FAM222A: variants seen among roughly 807,000 people sequenced by gnomAD.
FAM222A encodes the protein family with sequence similarity 222 member A.
FAM222A carries 7 observed loss-of-function variants against 25.8 expected under a neutral mutation model. The ratio of observed to expected loss-of-function variants is 0.27; its 90% CI spans 0.15 to 0.51. FAM222A has a LOEUF of 0.51. FAM222A is among the 20% of genes least tolerant of loss of function. FAM222A has a pLI of 0.97. For synonymous variants in FAM222A, 294 were observed against 298.8 expected (o/e 0.98, Z 0.17); for missense variants, 573 against 640.5 (o/e 0.89, Z 1.14).
At chr12:109,764,820 C>T (rs950168510) in intron 2 of FAM222A, among the ~76,000 whole-genome samples, 4 of 152,140 alleles carry the variant, frequency 2.6e-5, no homozygotes, top group East Asian at 1.9e-4. Flanking sequence ...GCGCTAAGTG[C>T]CCATGAAATT....
At chr12:109,762,660 A>C (rs950974283) in intron 2 of FAM222A, among the ~76,000 whole-genome samples, 4 of 152,130 alleles carry the variant, frequency 2.6e-5, no homozygotes, top group African/African-American at 9.7e-5. Context: ...TTCAAGGGAG[A>C]GTCTAGAGCC....
intron 1 of FAM222A, among the ~76,000 whole-genome samples, chr12:109,718,018 G>T (rs927161810): frequency 6.6e-6 from 1 of 152,190 alleles, no homozygotes; most frequent in Non-Finnish European, 1.5e-5. Context: ...GTGACCTCGG[G>T]TGAGTACCTT....
chr12:109,744,040 T>C (rs1888318644), intron 1 of FAM222A, 61 bp from the exon 2 acceptor site: 1 of 1,475,340 alleles, frequency 6.8e-7, no homozygotes, highest in African/African-American at 1.4e-5. Flanking sequence ...CCGGGGGGAA[T>C]GGTGGGAGGC....
At chr12:109,762,228 G>A (rs1285105264) in intron 2 of FAM222A, among the ~76,000 whole-genome samples, 3 of 152,208 alleles carry the variant, frequency 2.0e-5, no homozygotes, top group African/African-American at 4.8e-5. Flanking sequence ...AGTCATGCTC[G>A]GGAATAGGGG....
intron 1 of FAM222A, among the ~76,000 whole-genome samples, chr12:109,716,630 C>A (rs148858040): frequency 0.015 from 2,296 of 152,316 alleles, 30 homozygotes; most frequent in Non-Finnish European, 0.025. Flanking sequence ...GTTTGCGCTG[C>A]CTCTCGAAGC....
At chr12:109,764,499 G>A (rs1296032596) in intron 2 of FAM222A, among the ~76,000 whole-genome samples, 1 of 152,130 alleles carries the variant, frequency 6.6e-6, no homozygotes, top group East Asian at 1.9e-4. Context: ...TTCACAGTTG[G>A]TGGCTCATTG....
intron 1 of FAM222A, among the ~76,000 whole-genome samples, chr12:109,720,353 A>G (rs1438905417): frequency 6.6e-6 from 1 of 152,180 alleles, no homozygotes; most frequent in African/African-American, 2.4e-5. Flanking sequence ...CCCTTGGAGG[A>G]GGAGGGAGGT....
intron 1 of FAM222A, among the ~76,000 whole-genome samples, chr12:109,724,719 C>T (rs1310659114): frequency 6.6e-6 from 1 of 152,124 alleles, no homozygotes; most frequent in African/African-American, 2.4e-5. Context: ...GAGTGCTGGA[C>T]GTAAAGTGCT....
chr12:109,751,069 C>T (rs535978656), intron 2 of FAM222A, among the ~76,000 whole-genome samples: 5 of 152,276 alleles, frequency 3.3e-5, no homozygotes, highest in African/African-American at 1.2e-4. Flanking sequence ...CAGTTAAGCA[C>T]ATATTGGCTA....
intron 2 of FAM222A, among the ~76,000 whole-genome samples, chr12:109,754,549 G>A (rs551570942): frequency 2.6e-5 from 4 of 152,170 alleles, no homozygotes; most frequent in Non-Finnish European, 5.9e-5. Context: ...TCCAGTTCTT[G>A]CAGGAATACA....
At chr12:109,722,058 C>A (rs181112005) in intron 1 of FAM222A, among the ~76,000 whole-genome samples, 4 of 151,658 alleles carry the variant, frequency 2.6e-5, no homozygotes, top group African/African-American at 9.7e-5. Flanking sequence ...GACAGGGGAG[C>A]CCTCCCAGAA....
In FAM222A at chr12:109,768,018, C is replaced by A; in HGVS notation, c.89C>A (p.Ala30Glu). ...ACCTGCTTTCCTCCCACAGGCGAGG[C>A]GGTGGCCAGCGCCATGCATTCCTCC... ...SKSLELRKCE[A>E]VASAMHSSRY... The change falls in exon 3 of 3, where the codon GCG (alanine) becomes GAG (glutamate). Residue 30 changes from alanine (A) to glutamate (E), a missense_variant. Physicochemically the swap from Ala to Glu is moderately radical, Grantham distance 107. Transcript: ENST00000538780. 1 of 1,611,852 alleles carries A rather than the reference C, an allele frequency of 6.2e-7. No homozygotes were observed. The highest frequency in any genetic ancestry group is 8.5e-7 in the Non-Finnish European group (1 of 1,178,934).
At chr12:109,721,969 A>G (rs1233908294) in intron 1 of FAM222A, among the ~76,000 whole-genome samples, 1 of 152,102 alleles carries the variant, frequency 6.6e-6, no homozygotes, top group Non-Finnish European at 1.5e-5. Flanking sequence ...AGGGTCACGC[A>G]CTTGTTGGGT....
intron 1 of FAM222A, among the ~76,000 whole-genome samples, chr12:109,739,206 T>C (rs1888168258): frequency 6.6e-6 from 1 of 152,252 alleles, no homozygotes. Context: ...CTCCTCCTAT[T>C]CTGCCTTGGG....
intron 1 of FAM222A, among the ~76,000 whole-genome samples, chr12:109,740,194 T>C (rs1888200398): frequency 6.6e-6 from 1 of 152,184 alleles, no homozygotes; most frequent in Non-Finnish European, 1.5e-5. Flanking sequence ...CCCTCCCCTG[T>C]CACATTTCCT....
intron 1 of FAM222A, among the ~76,000 whole-genome samples, chr12:109,715,988 C>G (rs2136312781): frequency 6.6e-6 from 1 of 152,318 alleles, no homozygotes; most frequent in African/African-American, 2.4e-5. Context: ...CCATGCTGTT[C>G]TACCCCAAGG....
chr12:109,731,454 G>A (rs942524123), intron 1 of FAM222A, among the ~76,000 whole-genome samples: 12 of 152,080 alleles, frequency 7.9e-5, no homozygotes, highest in African/African-American at 2.7e-4. Context: ...TCTTCCTCTC[G>A]GAGCCTCTGC....
chr12:109,720,792 C>T (rs1309331862), intron 1 of FAM222A, among the ~76,000 whole-genome samples: 2 of 152,250 alleles, frequency 1.3e-5, no homozygotes, highest in African/African-American at 4.8e-5. Context: ...CCCTCAGCCA[C>T]CCAACAAGTG....
At chr12:109,753,559 C>CG (rs200302927) in intron 2 of FAM222A, among the ~76,000 whole-genome samples, 1,842 of 150,314 alleles carry the variant, frequency 0.012, 23 homozygotes, top group African/African-American at 0.038. Context: ...CCCCCCATCC[C>CG]GGGGGGGGGA....
Sources: allele counts gnomAD v4.1 joint callset (sites outside exome capture counted in the v4.1 genomes callset), GRCh38; gene constraint gnomAD v4.1.1; transcripts MANE v1.5; gene names NCBI Gene and HGNC (gene_info 2026-07-23, HGNC 2026-07-21).